The following EPHA6 variants were observed in gnomAD, a reference collection of about 807,000 sequenced individuals.
The protein encoded by EPHA6 is EPH receptor A6.
In EPHA6, 50 loss-of-function variants were observed where a neutral mutation model predicts 112.0. The ratio of observed to expected loss-of-function variants is 0.45; its 90% confidence interval spans 0.36 to 0.56. The LOEUF (loss-of-function observed/expected upper bound fraction) is 0.56, where lower values mean the gene tolerates loss of function less well. EPHA6 is among the 20% of genes least tolerant of loss of function. EPHA6 has a pLI of 0.00. For synonymous variants in EPHA6, 529 were observed against 490.7 expected (o/e 1.08, Z -1.03); for missense variants, 1,280 against 1,417.4 (o/e 0.90, Z 1.56).
intron 5 of EPHA6, among the ~76,000 whole-genome samples, chr3:97,350,041 T>C (rs2083728784): frequency 6.6e-6 from 1 of 151,886 alleles, no homozygotes; most frequent in South Asian, 2.1e-4. Context: ...CCAGGGTAAC[T>C]CCCATGGTTT....
intron 3 of EPHA6, among the ~76,000 whole-genome samples, chr3:96,988,824 T>G (rs1417886822): frequency 6.6e-6 from 1 of 152,158 alleles, no homozygotes; most frequent in African/African-American, 2.4e-5. Flanking sequence ...ACCTTTCACA[T>G]TGTTTTAACA....
At chr3:96,928,928 A>G (rs2040177104) in intron 2 of EPHA6, among the ~76,000 whole-genome samples, 1 of 152,190 alleles carries the variant, frequency 6.6e-6, no homozygotes, top group African/African-American at 2.4e-5. Flanking sequence ...GTCAAAAACT[A>G]GGATTATAAC....
chr3:97,552,836 T>G (rs2093048024), intron 11 of EPHA6, among the ~76,000 whole-genome samples: 1 of 152,182 alleles, frequency 6.6e-6, no homozygotes, highest in Admixed American at 6.6e-5. Flanking sequence ...AAGTAATAAC[T>G]TATTAGTTTT....
chr3:97,729,439 C>A (rs1472609585), intron 15 of EPHA6, among the ~76,000 whole-genome samples: 1 of 152,042 alleles, frequency 6.6e-6, no homozygotes, highest in African/African-American at 2.4e-5. Context: ...TACGTGGTGG[C>A]AGGCAAGAGA....
chr3:96,996,031 C>G (rs1250827235), intron 3 of EPHA6, among the ~76,000 whole-genome samples: 2 of 152,116 alleles, frequency 1.3e-5, no homozygotes, highest in African/African-American at 4.8e-5. Flanking sequence ...TCCTCTCAAA[C>G]CCTGCTGCTG....
intron 3 of EPHA6, among the ~76,000 whole-genome samples, chr3:97,040,627 A>G (rs1033630597): frequency 2.0e-5 from 3 of 152,080 alleles, no homozygotes; most frequent in Non-Finnish European, 4.4e-5. Context: ...AATTGATTTT[A>G]ACATAGCTAT....
Position 97,448,653 on chromosome 3 carries a change from T to C in EPHA6, c.1817T>C (p.Val606Ala), listed in dbSNP as rs776198302. 6.2e-7 allele frequency: 1 copy of C among 1,613,564 alleles called. No homozygotes were observed. The highest frequency in any genetic ancestry group is 8.5e-7 in the Non-Finnish European group (1 of 1,179,608). The change falls in exon 7 of 18, where the codon GTA becomes GCA. Residue 606 changes from valine (V) to alanine (A), a missense_variant. This residue lies in a region of EPHA6 where 878 missense variants were observed against 999.7 expected (regional missense o/e 0.88). Coordinates refer to ENST00000389672, the MANE Select transcript of EPHA6 (RefSeq NM_001080448.3). Reference protein sequence around the residue: ...ITGLKPATKYVFHIRVRTATG... With the variant: ...ITGLKPATKYAFHIRVRTATG... ...GGTCTTAAGCCAGCCACCAAATATG[T>C]ATTTCACATCCGAGTGAGAACTGCG...
chr3:97,501,333 A>G (rs2092112571), intron 10 of EPHA6, among the ~76,000 whole-genome samples: 1 of 151,448 alleles, frequency 6.6e-6, no homozygotes. Flanking sequence ...TTATGAATAT[A>G]TAGAAACAAT....
At chr3:97,484,281 G>A (rs2091642650) in intron 10 of EPHA6, among the ~76,000 whole-genome samples, 2 of 151,988 alleles carry the variant, frequency 1.3e-5, no homozygotes, top group Non-Finnish European at 2.9e-5. Flanking sequence ...ACATTCTATA[G>A]TCTTTTTTTA....
chr3:97,309,746 T>C (rs893417374), intron 5 of EPHA6, among the ~76,000 whole-genome samples: 1 of 151,652 alleles, frequency 6.6e-6, no homozygotes, highest in African/African-American at 2.4e-5. Context: ...GAAAAAAGTA[T>C]AATCAGCAAA....
intron 2 of EPHA6, among the ~76,000 whole-genome samples, chr3:96,948,697 G>C (rs906184737): frequency 6.6e-6 from 1 of 152,092 alleles, no homozygotes; most frequent in Non-Finnish European, 1.5e-5. Context: ...CAAGAAATTT[G>C]TACGTATATA....
At chr3:97,362,875 G>T (rs941997203) in intron 5 of EPHA6, among the ~76,000 whole-genome samples, 1 of 151,590 alleles carries the variant, frequency 6.6e-6, no homozygotes, top group African/African-American at 2.4e-5. Context: ...TAGTTAGGAA[G>T]TTTATTAAGT....
At chr3:97,560,902 T>C (rs576650708) in intron 11 of EPHA6, among the ~76,000 whole-genome samples, 7 of 152,200 alleles carry the variant, frequency 4.6e-5, no homozygotes, top group African/African-American at 1.7e-4. Flanking sequence ...TATCTCTGTG[T>C]CACATTTTGG....
intron 15 of EPHA6, among the ~76,000 whole-genome samples, chr3:97,733,288 C>G (rs1576371802): frequency 6.6e-6 from 1 of 152,022 alleles, no homozygotes; most frequent in Non-Finnish European, 1.5e-5. Flanking sequence ...AAGTACCTAC[C>G]TCTTAGAGAA....
intron 5 of EPHA6, among the ~76,000 whole-genome samples, chr3:97,340,940 G>A (rs1176971862): frequency 1.3e-5 from 2 of 152,082 alleles, no homozygotes; most frequent in African/African-American, 4.8e-5. Flanking sequence ...TTGGGGCTGG[G>A]GGCACAACTC....
chr3:96,814,702 G>T lies in EPHA6; in HGVS notation c.79G>T (p.Ala27Ser). ...AASSSEAAAP[A>S]TGQPGPSCPV... The stretch of plus-strand genomic sequence containing the variant: ...GTCCTCCTCCGAAGCAGCTGCACCT[G>T]CAACTGGGCAGCCTGGACCCTCGTG... Residue 27 changes from alanine (A) to serine (S), a missense_variant, in exon 1 of 18, where the codon GCA becomes TCA. Transcript: ENST00000389672. The T allele has an allele frequency of 6.7e-7, 1 of 1,503,328 alleles. No homozygotes were observed. The highest frequency in any genetic ancestry group is 8.9e-7 in the Non-Finnish European group (1 of 1,125,538). The allele number at this position is 1,503,328 out of a possible 1,614,324, so 93.1% of individuals were successfully genotyped here. A position where few individuals can be genotyped will look rare whatever the true frequency, so the allele number is the denominator to read the frequency against.
At chr3:97,259,099 G>A (rs2108614922) in intron 5 of EPHA6, among the ~76,000 whole-genome samples, 2 of 152,082 alleles carry the variant, frequency 1.3e-5, no homozygotes, top group East Asian at 3.9e-4. Flanking sequence ...AAAGTAAAGA[G>A]GTATCTCAGT....
intron 7 of EPHA6, among the ~76,000 whole-genome samples, chr3:97,460,935 A>T (rs535207944): frequency 2.3e-4 from 35 of 152,252 alleles, no homozygotes; most frequent in Middle Eastern, 3.4e-3. Flanking sequence ...AGTAAACCCC[A>T]TCTAAGACAG....
At chr3:97,450,536 A>G (rs904284239) in intron 7 of EPHA6, among the ~76,000 whole-genome samples, 1 of 152,052 alleles carries the variant, frequency 6.6e-6, no homozygotes, top group South Asian at 2.1e-4. Context: ...ACTTCTAGAG[A>G]AGGTCATTTG....
Sources: gnomAD v4.1 joint callset for allele counts (sites outside exome capture counted in the v4.1 genomes callset) on GRCh38, gnomAD v4.1.1 for gene constraint, gnomAD v4.1.1 regional missense constraint, MANE v1.5 for transcripts, NCBI Gene and HGNC (gene_info 2026-07-23, HGNC 2026-07-21) for gene names.